SLC13A3: variants seen among roughly 807,000 people sequenced by gnomAD.
The protein encoded by SLC13A3 is Na(+)/dicarboxylate cotransporter 3.
In SLC13A3, 40 loss-of-function variants were observed where a neutral mutation model predicts 59.0. The observed-to-expected ratio is 0.68, with a 90% CI of 0.53 to 0.88. The LOEUF is 0.88. Ranked by LOEUF, SLC13A3 falls within the 40% of genes least tolerant of loss-of-function variation. The pLI is 0.00. For synonymous variants in SLC13A3, 317 were observed against 330.3 expected (o/e 0.96, Z 0.44); for missense variants, 699 against 783.2 (o/e 0.89, Z 1.28).
intron 1 of SLC13A3, among the ~76,000 whole-genome samples, chr20:46,679,094 T>G (rs377744178): frequency 3.3e-5 from 5 of 152,302 alleles, no homozygotes; most frequent in African/African-American, 9.6e-5. Context: ...TGTAAGCCAA[T>G]TAAGCCTCTT....
At chr20:46,608,908 C>A in intron 3 of SLC13A3, 1 of 1,550,770 alleles carries the variant, frequency 6.4e-7, no homozygotes, top group South Asian at 1.2e-5. Context: ...ATTCACATTC[C>A]ACCCGGCAGG....
intron 2 of SLC13A3, among the ~76,000 whole-genome samples, chr20:46,612,090 CT>C (rs2062501960): frequency 9.1e-6 from 1 of 110,308 alleles, no homozygotes; most frequent in Non-Finnish European, 1.9e-5. Flanking sequence ...TCTGTCTTTT[CT>C]TTTCTTTCTT....
intron 1 of SLC13A3, chr20:46,682,329 T>C (rs1568969846): frequency 6.6e-6 from 1 of 152,374 alleles, no homozygotes; most frequent in Admixed American, 6.5e-5. Context: ...CCTTCGCTAA[T>C]GTAGATGTTC....
chr20:46,592,541 C>A lies in SLC13A3; in HGVS notation c.795-12G>T, dbSNP rs375792077. The A allele has an allele frequency of 3.3e-5, 53 of 1,612,634 alleles. No homozygotes were observed. The Admixed American group carries it at 8.0e-4, about 24-fold the overall frequency. On this transcript the variant is annotated splice_polypyrimidine_tract_variant and intron_variant, in intron 5 of 12. Coordinates refer to ENST00000279027, the MANE Select transcript of SLC13A3 (RefSeq NM_022829.6). The stretch of plus-strand genomic sequence containing the variant: ...ACTGCGGAAAGAAACTGGAGAACAG[C>A]GGGAGATGAGAACAGGCCAAGGGCA...
chr20:46,600,290 G>GGAAAGAAA (rs777113264), intron 3 of SLC13A3, among the ~76,000 whole-genome samples: 2 of 104,120 alleles, frequency 1.9e-5, no homozygotes, highest in Non-Finnish European at 3.6e-5. Flanking sequence ...GGAAAGGGAG[G>GGAAAGAAA]GAAAGAAAGA....
At chr20:46,585,078 A>AC (rs1307010393) in intron 8 of SLC13A3, 8 of 891,512 alleles carry the variant, frequency 9.0e-6, no homozygotes, top group Non-Finnish European at 1.1e-5. Context: ...AAGTGCTCCC[A>AC]TTCTGTAGAG....
chr20:46,656,497 C>T lies in SLC13A3; in HGVS notation c.-31+13546G>A, dbSNP rs182958520. Among the ~76,000 whole-genome samples, 50 of 128,766 alleles carry T rather than the reference C, an allele frequency of 3.9e-4. 1 individual carries two copies. Among genetic ancestry groups the T allele is most frequent in the Non-Finnish European group, 6.5e-4 (40 of 61,986 alleles). The allele number at this position is 128,766 out of a possible 152,430, so 84.5% of individuals were successfully genotyped here. A position where few individuals can be genotyped will look rare whatever the true frequency, so the allele number is the denominator to read the frequency against. ...TATATATTATACTGTATATGATATA[C>T]TATACAGTATATATTATACTGTATA... On this transcript the variant is annotated intron_variant, in intron 1 of 12. Coordinates refer to the SLC13A3 transcript ENST00000290317.
intron 3 of SLC13A3, 27 bp from the exon 4 acceptor site, chr20:46,600,064 A>G: frequency 6.5e-7 from 1 of 1,537,874 alleles, no homozygotes; most frequent in Non-Finnish European, 8.9e-7. Flanking sequence ...TGATGTCTTT[A>G]ATGTAATGTA....
At chr20:46,655,143 G>A (rs2062975282), upstream of SLC13A3, among the ~76,000 whole-genome samples, 2 of 151,710 alleles carry the variant, frequency 1.3e-5, no homozygotes, top group South Asian at 4.2e-4. Context: ...GCCATGATAT[G>A]TCTTGGTGTG....
intron 1 of SLC13A3, among the ~76,000 whole-genome samples, chr20:46,640,558 C>T (rs1159591622): frequency 6.6e-6 from 1 of 152,182 alleles, no homozygotes; most frequent in Non-Finnish European, 1.5e-5. Context: ...AGCAGCAATC[C>T]TTTATTAAGC....
chr20:46,583,360 T>A, intron 9 of SLC13A3: 1 of 1,271,476 alleles, frequency 7.9e-7, no homozygotes, highest in Non-Finnish European at 1.0e-6. Context: ...GCAGGCTGGA[T>A]TTGGTCTGAA....
intron 1 of SLC13A3, among the ~76,000 whole-genome samples, chr20:46,649,856 T>C (rs2062935641): frequency 6.6e-6 from 1 of 152,166 alleles, no homozygotes; most frequent in African/African-American, 2.4e-5. Flanking sequence ...ATGAACTTGC[T>C]GTGTGTTAGC....
chr20:46,638,800 G>A (rs1041648219), intron 1 of SLC13A3, among the ~76,000 whole-genome samples: 9 of 152,154 alleles, frequency 5.9e-5, no homozygotes, highest in African/African-American at 2.2e-4. Context: ...GGACATTTGG[G>A]GCCTGAGGAT....
intron 12 of SLC13A3, 117 bp downstream of exon 12, chr20:46,563,297 T>G: frequency 2.5e-6 from 3 of 1,186,740 alleles, no homozygotes; most frequent in Non-Finnish European, 3.5e-6. Context: ...CTCAGAAAGA[T>G]CTATTCAGAG....
chr20:46,593,513 AT>A (rs1246906644), intron 5 of SLC13A3, among the ~76,000 whole-genome samples: 2 of 152,214 alleles, frequency 1.3e-5, no homozygotes, highest in Non-Finnish European at 2.9e-5. Context: ...ATATAGTGGG[AT>A]TCTAAGAGGT....
At chr20:46,651,184 G>T in intron 1 of SLC13A3, 127 bp downstream of exon 1, 1 of 1,345,452 alleles carries the variant, frequency 7.4e-7, no homozygotes. Flanking sequence ...GTGCAAGGGA[G>T]GGAAGGCGAG....
intron 3 of SLC13A3, among the ~76,000 whole-genome samples, chr20:46,610,147 G>A (rs970277820): frequency 2.0e-5 from 3 of 152,208 alleles, no homozygotes; most frequent in African/African-American, 7.2e-5. Flanking sequence ...TGTAAAACAA[G>A]GTTTAATTAT....
intron 1 of SLC13A3, among the ~76,000 whole-genome samples, chr20:46,629,512 A>G (rs1367574272): frequency 6.6e-6 from 1 of 152,154 alleles, no homozygotes; most frequent in African/African-American, 2.4e-5. Context: ...TTCTTCAGGA[A>G]CACCAATTAT....
chr20:46,655,350 C>T (rs555502492), upstream of SLC13A3, among the ~76,000 whole-genome samples: 5 of 148,866 alleles, frequency 3.4e-5, no homozygotes, highest in South Asian at 6.4e-4. Context: ...TATATATATA[C>T]CAAATATACA....
Sources: gnomAD v4.1 joint callset for allele counts (sites outside exome capture counted in the v4.1 genomes callset) on GRCh38, gnomAD v4.1.1 for gene constraint, MANE v1.5 for transcripts, NCBI Gene and HGNC (gene_info 2026-07-23, HGNC 2026-07-21) for gene names.